The following GULP1 variants were observed in gnomAD, a reference collection of about 807,000 sequenced individuals.
GULP1 encodes GULP PTB domain containing engulfment adaptor 1.
Under a neutral mutation model 40.9 loss-of-function variants are expected in GULP1, and 19 were observed. The observed-to-expected ratio is 0.46, with a 90% confidence interval of 0.32 to 0.68. The LOEUF (loss-of-function observed/expected upper bound fraction) is 0.68, where lower values mean the gene tolerates loss of function less well. GULP1 is among the 30% of genes least tolerant of loss of function. The pLI is 0.03. For missense variants in GULP1, 312 were observed against 362.2 expected, an observed-to-expected ratio of 0.86 and a Z score of 1.12; for synonymous variants, 119 against 117.6, an observed-to-expected ratio of 1.01 and a Z score of -0.08.
chr2:188,396,094 A>C (rs752915751), intron 2 of GULP1, among the ~76,000 whole-genome samples: 1 of 152,222 alleles, frequency 6.6e-6, no homozygotes. Context: ...GGACTGTGTC[A>C]GTTGGCCTCC....
chr2:188,352,482 G>A (rs920031524), intron 1 of GULP1, among the ~76,000 whole-genome samples: 6 of 152,054 alleles, frequency 3.9e-5, no homozygotes, highest in African/African-American at 1.4e-4. Flanking sequence ...ACGCCAGGTT[G>A]TTGACTGTAG....
At chr2:188,300,516 C>T (rs188003934) in intron 1 of GULP1, among the ~76,000 whole-genome samples, 3 of 152,090 alleles carry the variant, frequency 2.0e-5, no homozygotes, top group East Asian at 3.9e-4. Context: ...GTTTGGAAAA[C>T]GAATTTAGAA....
intron 7 of GULP1, among the ~76,000 whole-genome samples, chr2:188,552,892 T>A (rs111470490): frequency 2.0e-5 from 3 of 150,484 alleles, no homozygotes; most frequent in African/African-American, 7.3e-5. Context: ...TATATACATA[T>A]ATGTGTTTAT....
In GULP1 at chr2:188,348,518, T is replaced by C. The variant is rs141310961; in HGVS notation, c.-171-35245T>C. 4.3e-3 allele frequency among the ~76,000 whole-genome samples: 654 copies of C among 152,222 alleles called. 5 individuals carry two copies. The highest frequency in any genetic ancestry group is 0.015 in the African/African-American group (619 of 41,530). Reference sequence around the variant, plus strand: ...ATATATTTATGAAAACACCAATTCCTCTCCCATGAAGATGGGTATAAGGAG... The same window carrying C: ...ATATATTTATGAAAACACCAATTCCCCTCCCATGAAGATGGGTATAAGGAG... On this transcript the variant is annotated intron_variant, in intron 1 of 11. Coordinates refer to ENST00000409830, the MANE Select transcript of GULP1 (RefSeq NM_016315.4).
intron 2 of GULP1, among the ~76,000 whole-genome samples, chr2:188,402,324 A>G (rs149829010): frequency 1.3e-5 from 2 of 152,224 alleles, no homozygotes; most frequent in East Asian, 1.9e-4. Context: ...CCTCAATAAA[A>G]TTATTTACTA....
chr2:188,551,352 T>C (rs1335371091), intron 7 of GULP1, among the ~76,000 whole-genome samples: 1 of 151,730 alleles, frequency 6.6e-6, no homozygotes, highest in Non-Finnish European at 1.5e-5. Context: ...GGCTCTGTTA[T>C]CCATCTTTCT....
intron 10 of GULP1, among the ~76,000 whole-genome samples, chr2:188,585,041 C>T (rs115463449): frequency 6.6e-6 from 1 of 152,168 alleles, no homozygotes; most frequent in Non-Finnish European, 1.5e-5. Flanking sequence ...CGTTTCCATT[C>T]CAAATTGGAG....
intron 2 of GULP1, among the ~76,000 whole-genome samples, chr2:188,437,429 G>A (rs939190082): frequency 6.6e-6 from 1 of 151,946 alleles, no homozygotes; most frequent in Non-Finnish European, 1.5e-5. Context: ...TATTTGTTTG[G>A]CAATCAAAGT....
At chr2:188,367,341 G>A (rs1182528690) in intron 1 of GULP1, among the ~76,000 whole-genome samples, 3 of 152,170 alleles carry the variant, frequency 2.0e-5, no homozygotes, top group Non-Finnish European at 4.4e-5. Flanking sequence ...GCAGACAGTT[G>A]CGTTCTAGTG....
At chr2:188,381,258 A>C (rs184715200) in intron 1 of GULP1, among the ~76,000 whole-genome samples, 222 of 152,256 alleles carry the variant, frequency 1.5e-3, no homozygotes, top group Middle Eastern at 6.8e-3. Context: ...AAGTAGGCAT[A>C]AGTTAGTTCT....
At chr2:188,459,693 G>A (rs1487325974) in intron 2 of GULP1, among the ~76,000 whole-genome samples, 1 of 151,986 alleles carries the variant, frequency 6.6e-6, no homozygotes, top group East Asian at 1.9e-4. Context: ...CTGTACTTGT[G>A]GGTTATTACT....
chr2:188,373,153 A>C (rs2047833355), intron 1 of GULP1, among the ~76,000 whole-genome samples: 1 of 151,800 alleles, frequency 6.6e-6, no homozygotes, highest in Non-Finnish European at 1.5e-5. Context: ...ATTCTGTTTG[A>C]AGTGGGAACT....
Position 188,471,392 on chromosome 2 carries a change from C to T in GULP1, c.-44-6267C>T, listed in dbSNP as rs189773285. Among the ~76,000 whole-genome samples the T allele has an allele frequency of 5.6e-3, 847 of 151,706 alleles. 8 individuals carry two copies. The highest frequency in any genetic ancestry group is 0.018 in the South Asian group (87 of 4,774). ...GGTATTATTGATGACTAAGGACTTACTCCTGCCGTTTTATTATTTGTTTTC... is the reference window on the plus strand; with the variant it reads ...GGTATTATTGATGACTAAGGACTTATTCCTGCCGTTTTATTATTTGTTTTC... On this transcript the variant is annotated intron_variant, in intron 2 of 11. Coordinates refer to ENST00000409830, the MANE Select transcript of GULP1 (RefSeq NM_016315.4).
At chr2:188,537,437 A>T (rs1006689392) in intron 6 of GULP1, among the ~76,000 whole-genome samples, 1 of 152,100 alleles carries the variant, frequency 6.6e-6, no homozygotes, top group African/African-American at 2.4e-5. Context: ...TTCTGTTGAT[A>T]TGATCATATG....
chr2:188,524,624 G>A (rs965427158), intron 5 of GULP1, among the ~76,000 whole-genome samples: 3 of 141,402 alleles, frequency 2.1e-5, no homozygotes, highest in African/African-American at 7.8e-5. Context: ...TGCTTTTTTT[G>A]TGTGTCAAGG....
intron 9 of GULP1, among the ~76,000 whole-genome samples, chr2:188,578,890 C>G (rs1700705065): frequency 6.6e-6 from 1 of 152,122 alleles, no homozygotes. Context: ...TACTTTAACA[C>G]ATAAACATCC....
intron 1 of GULP1, among the ~76,000 whole-genome samples, chr2:188,346,839 C>T (rs996150474): frequency 9.3e-5 from 14 of 151,288 alleles, no homozygotes; most frequent in Non-Finnish European, 1.3e-4. Flanking sequence ...GGCGTGGTGG[C>T]AGGCGCCTGT....
intron 11 of GULP1, chr2:188,590,364 TTTA>T: frequency 6.6e-6 from 1 of 152,150 alleles, no homozygotes; most frequent in Non-Finnish European, 1.5e-5. Flanking sequence ...TATGATGGCT[TTTA>T]TTATTAATCG....
intron 1 of GULP1, among the ~76,000 whole-genome samples, chr2:188,366,595 T>C (rs1290263819): frequency 2.1e-5 from 3 of 142,976 alleles, no homozygotes; most frequent in Admixed American, 7.0e-5. Context: ...TTTCTTTTTT[T>C]TTTTTTTTTT....
Sources: allele counts gnomAD v4.1 joint callset (sites outside exome capture counted in the v4.1 genomes callset), GRCh38; gene constraint gnomAD v4.1.1; transcripts MANE v1.5; gene names NCBI Gene and HGNC (gene_info 2026-07-23, HGNC 2026-07-21).